Variants in ADIPOR2 observed in about 807,000 individuals in gnomAD.
ADIPOR2 encodes the protein adiponectin receptor 2.
ADIPOR2 carries 18 observed loss-of-function variants against 40.9 expected under a neutral mutation model. The ratio of observed to expected loss-of-function variants is 0.44; its 90% CI spans 0.30 to 0.65. ADIPOR2 has a LOEUF of 0.65. ADIPOR2 is among the 30% of genes least tolerant of loss of function. ADIPOR2 has a pLI of 0.09. For synonymous variants in ADIPOR2, 165 were observed against 166.4 expected (o/e 0.99, Z 0.06); for missense variants, 283 against 479.2 (o/e 0.59, Z 3.82).
At chr12:1,705,511 C>T (rs2094660429) in intron 1 of ADIPOR2, among the ~76,000 whole-genome samples, 1 of 152,076 alleles carries the variant, frequency 6.6e-6, no homozygotes, top group African/African-American at 2.4e-5. Flanking sequence ...CACACAATTA[C>T]AAAACATTGT....
chr12:1,758,634 T>TTA lies in ADIPOR2; in HGVS notation c.171+4123_171+4124dup, dbSNP rs1424855591. Reference sequence around the variant, plus strand: ...AGAAAAGAAGGGGGATAGATAAGAGTTATAGAGAACTGCAGTTTTGAGACT... The same window carrying TTA: ...AGAAAAGAAGGGGGATAGATAAGAGTTATATAGAGAACTGCAGTTTTGAGACT... On this transcript the variant is annotated intron_variant, in intron 2 of 7. Coordinates refer to ENST00000357103, the MANE Select transcript of ADIPOR2 (RefSeq NM_024551.3). Among the ~76,000 whole-genome samples the TTA allele has an allele frequency of 3.3e-5, 5 of 152,082 alleles. 1 individual carries two copies. The highest frequency in any genetic ancestry group is 1.2e-4 in the African/African-American group (5 of 41,400).
chr12:1,743,534 G>T (rs1247301092), intron 1 of ADIPOR2, among the ~76,000 whole-genome samples: 1 of 152,022 alleles, frequency 6.6e-6, no homozygotes, highest in Admixed American at 6.6e-5. Flanking sequence ...GCTGGGTGTG[G>T]TGGGCACACG....
At chr12:1,749,092 G>C (rs984926413) in intron 1 of ADIPOR2, among the ~76,000 whole-genome samples, 1 of 152,136 alleles carries the variant, frequency 6.6e-6, no homozygotes, top group Admixed American at 6.5e-5. Flanking sequence ...ACTTATTTAC[G>C]CTTACTAGTT....
chr12:1,778,770 A>G (rs987747123), intron 4 of ADIPOR2, among the ~76,000 whole-genome samples: 8 of 152,252 alleles, frequency 5.3e-5, no homozygotes, highest in African/African-American at 1.9e-4. Context: ...AGAGAAGAGA[A>G]TATTTACAAA....
intron 1 of ADIPOR2, among the ~76,000 whole-genome samples, chr12:1,742,005 T>TA (rs71055190): frequency 1.3e-3 from 196 of 146,554 alleles, no homozygotes; most frequent in Admixed American, 5.6e-3. Context: ...ACTGAAAAGT[T>TA]AAAAAAAAAA....
chr12:1,691,557 C>T (rs2154440981), intron 1 of ADIPOR2, among the ~76,000 whole-genome samples: 1 of 152,350 alleles, frequency 6.6e-6, no homozygotes. Flanking sequence ...CGGAGAGGAT[C>T]TGCCCGCCCC....
At chr12:1,754,699 T>TACTACTACTAC (rs1862079322) in intron 2 of ADIPOR2, among the ~76,000 whole-genome samples, 185 bp downstream of exon 2, 3 of 103,542 alleles carry the variant, frequency 2.9e-5, no homozygotes, top group South Asian at 3.1e-4. Flanking sequence ...ATTATTATTA[T>TACTACTACTAC]TACTACTACT....
chr12:1,732,946 A>G (rs1417223785), intron 1 of ADIPOR2, among the ~76,000 whole-genome samples: 2 of 152,172 alleles, frequency 1.3e-5, no homozygotes, highest in Non-Finnish European at 2.9e-5. Context: ...GATAAAATTC[A>G]AGGAGAAACA....
intron 1 of ADIPOR2, among the ~76,000 whole-genome samples, chr12:1,699,905 A>G (rs913468159): frequency 2.6e-5 from 4 of 152,224 alleles, no homozygotes; most frequent in Non-Finnish European, 4.4e-5. Flanking sequence ...AGAAGGGGAT[A>G]TATGTTGGCC....
At chr12:1,733,602 T>TA (rs1248805437) in intron 1 of ADIPOR2, among the ~76,000 whole-genome samples, 5 of 152,172 alleles carry the variant, frequency 3.3e-5, no homozygotes, top group Admixed American at 6.5e-5. Flanking sequence ...AACCATGTGT[T>TA]CTTATTTATT....
chr12:1,710,217 T>G (rs2094673485), intron 1 of ADIPOR2, among the ~76,000 whole-genome samples: 1 of 152,164 alleles, frequency 6.6e-6, no homozygotes, highest in Admixed American at 6.5e-5. Flanking sequence ...GAATAAAAGC[T>G]GGGCACCCCA....
At chr12:1,722,550 G>T (rs2094699877) in intron 1 of ADIPOR2, among the ~76,000 whole-genome samples, 1 of 152,178 alleles carries the variant, frequency 6.6e-6, no homozygotes, top group Admixed American at 6.5e-5. Flanking sequence ...CTAGATTGTA[G>T]AGAAGTATCA....
At chr12:1,757,390 C>T in intron 2 of ADIPOR2, 1 of 721,206 alleles carries the variant, frequency 1.4e-6, no homozygotes, top group South Asian at 1.6e-5. Flanking sequence ...CCATTGGCAT[C>T]TTTCATGTGA....
At chr12:1,730,736 A>G (rs763861039) in intron 1 of ADIPOR2, 2 of 152,058 alleles carry the variant, frequency 1.3e-5, no homozygotes, top group Non-Finnish European at 2.9e-5. Context: ...TGAAATCTTT[A>G]GCATCAGTTG....
At chr12:1,723,459 T>C (rs1317459179) in intron 1 of ADIPOR2, among the ~76,000 whole-genome samples, 1 of 87,360 alleles carries the variant, frequency 1.1e-5, no homozygotes, top group Admixed American at 1.5e-4. Flanking sequence ...ACCCCGTCTC[T>C]ACTGAAAAAA....
intron 1 of ADIPOR2, among the ~76,000 whole-genome samples, chr12:1,713,624 A>G (rs2094681902): frequency 6.6e-6 from 1 of 152,044 alleles, no homozygotes; most frequent in Non-Finnish European, 1.5e-5. Context: ...TGTTCCCCAT[A>G]TTCATGTAGA....
Position 1,757,382 on chromosome 12 carries a change from A to T in ADIPOR2, c.171+2868A>T. 3 of 718,812 alleles carry T rather than the reference A, an allele frequency of 4.2e-6. No homozygotes were observed. In the South Asian group the frequency reaches 4.7e-5, roughly 11 times the overall value. 44.5% of individuals were successfully genotyped at this position (718,812 alleles called of 1,614,324 possible). A position where few individuals can be genotyped will look rare whatever the true frequency, so the allele number is the denominator to read the frequency against. On this transcript the variant is annotated intron_variant, in intron 2 of 7. Transcript: ENST00000357103. ...AAAGTTGAGTGGCAAAGCTGTTTCC[A>T]TTGGCATCTTTCATGTGAACCACAT...
At chr12:1,768,781 A>G (rs891775969) in intron 2 of ADIPOR2, among the ~76,000 whole-genome samples, 2 of 152,222 alleles carry the variant, frequency 1.3e-5, no homozygotes, top group Non-Finnish European at 2.9e-5. Flanking sequence ...TTTGAAATAC[A>G]GTCAGCAAAG....
chr12:1,785,242 C>T (rs945218126), intron 7 of ADIPOR2, among the ~76,000 whole-genome samples: 3 of 152,172 alleles, frequency 2.0e-5, no homozygotes, highest in Admixed American at 2.0e-4. Context: ...ATTGATTACC[C>T]TTCTTGAGAT....
Sources: allele counts gnomAD v4.1 joint callset (sites outside exome capture counted in the v4.1 genomes callset), GRCh38; gene constraint gnomAD v4.1.1; transcripts MANE v1.5; gene names NCBI Gene and HGNC (gene_info 2026-07-23, HGNC 2026-07-21).